GSK3B: variants seen among roughly 807,000 people sequenced by gnomAD.
GSK3B encodes glycogen synthase kinase 3 beta.
Under a neutral mutation model 56.4 loss-of-function variants are expected in GSK3B, and 15 were observed. The ratio of observed to expected loss-of-function variants is 0.27; its 90% CI spans 0.18 to 0.41. The LOEUF (loss-of-function observed/expected upper bound fraction) is 0.41. Among genes scored for constraint, GSK3B ranks in the 10% least tolerant of loss-of-function variants. GSK3B has a pLI of 1.00. For missense variants in GSK3B, 300 were observed against 513.4 expected, an observed-to-expected ratio of 0.58 and a Z score of 4.02; for synonymous variants, 181 against 188.9, an observed-to-expected ratio of 0.96 and a Z score of 0.34.
At chr3:119,852,409 T>C (rs1180038232) in intron 9 of GSK3B, among the ~76,000 whole-genome samples, 1 of 151,964 alleles carries the variant, frequency 6.6e-6, no homozygotes, top group Non-Finnish European at 1.5e-5. Context: ...AGTGCAGTGG[T>C]GTGATCTCAG....
chr3:119,849,140 T>A (rs2055894571), intron 9 of GSK3B, among the ~76,000 whole-genome samples: 1 of 152,230 alleles, frequency 6.6e-6, no homozygotes, highest in Non-Finnish European at 1.5e-5. Context: ...TGGTTTTTAT[T>A]CTAAAGAAAT....
Position 119,955,925 on chromosome 3 carries a change from T to G in GSK3B, c.283-8574A>C, listed in dbSNP as rs183542834. Among the ~76,000 whole-genome samples the G allele has an allele frequency of 9.7e-4, 148 of 152,206 alleles. 1 individual carries two copies. Among genetic ancestry groups the G allele is most frequent in the African/African-American group, 3.5e-3 (144 of 41,528 alleles). On this transcript the variant is annotated intron_variant, in intron 2 of 10. Coordinates refer to ENST00000264235, the MANE Select transcript of GSK3B (RefSeq NM_001146156.2). ...ACCTCGGCCTCCCAAAGTGCTGGGA[T>G]TACAGGTGTGAGCCACCTCACCCAG... is the stretch of plus-strand genomic sequence containing the variant.
chr3:119,875,445 CAGTA>C (rs1201600545), intron 8 of GSK3B, among the ~76,000 whole-genome samples: 2 of 151,318 alleles, frequency 1.3e-5, no homozygotes, highest in East Asian at 3.9e-4. Context: ...TTTTAAAATA[CAGTA>C]AGTCTCTCCT....
chr3:119,870,939 G>T (rs2056243260), intron 8 of GSK3B, among the ~76,000 whole-genome samples: 2 of 152,204 alleles, frequency 1.3e-5, no homozygotes, highest in Admixed American at 6.5e-5. Context: ...ACCAGAAAAG[G>T]TAGATAGAAT....
At chr3:119,881,406 C>T (rs2056377190) in intron 7 of GSK3B, among the ~76,000 whole-genome samples, 2 of 152,104 alleles carry the variant, frequency 1.3e-5, no homozygotes, top group Admixed American at 1.3e-4. Flanking sequence ...AGCTCTAATT[C>T]TTAATATGAG....
At chr3:119,905,630 G>A in intron 7 of GSK3B, 125 bp downstream of exon 7, 1 of 666,260 alleles carries the variant, frequency 1.5e-6, no homozygotes, top group South Asian at 2.0e-5. Context: ...AGCTGAACTT[G>A]CTACGTGACC....
In GSK3B at chr3:119,909,292, T is replaced by C. The variant is rs183651570; in HGVS notation, c.715+3412A>G. Among the ~76,000 whole-genome samples the C allele has an allele frequency of 6.0e-3, 919 of 152,322 alleles. 6 individuals are homozygous for C. The highest frequency in any genetic ancestry group is 0.011 in the Non-Finnish European group (738 of 68,024). ...TCCCAAAGTGCTGGGATTACAGGTG[T>C]GAGCCACTGCACCAGGCCAGGTCTG... On this transcript the variant is annotated intron_variant, in intron 6 of 10. Transcript: ENST00000264235.
chr3:119,846,783 T>C (rs2055862398), intron 9 of GSK3B, among the ~76,000 whole-genome samples: 2 of 152,220 alleles, frequency 1.3e-5, no homozygotes, highest in African/African-American at 2.4e-5. Flanking sequence ...ATCCCATTAC[T>C]GGGTATATAC....
chr3:120,086,086 A>C (rs774149424), intron 1 of GSK3B, among the ~76,000 whole-genome samples: 7 of 152,008 alleles, frequency 4.6e-5, no homozygotes, highest in Non-Finnish European at 1.0e-4. Flanking sequence ...AGCTATTCAT[A>C]ATTCATAAGA....
intron 10 of GSK3B, chr3:119,832,941 C>T (rs1253747953): frequency 4.1e-6 from 4 of 972,470 alleles, no homozygotes; most frequent in Admixed American, 1.2e-4. Context: ...ACAGGATCTA[C>T]AGCATTTTTT....
intron 1 of GSK3B, among the ~76,000 whole-genome samples, chr3:120,017,730 C>T (rs1266944458): frequency 6.6e-6 from 1 of 152,196 alleles, no homozygotes; most frequent in African/African-American, 2.4e-5. Context: ...TTATCAATTA[C>T]GATTTAACAA....
intron 7 of GSK3B, among the ~76,000 whole-genome samples, chr3:119,877,828 AGATG>A (rs2056331829): frequency 6.6e-6 from 1 of 152,258 alleles, no homozygotes; most frequent in Non-Finnish European, 1.5e-5. Context: ...TGGCTGTACA[AGATG>A]GATGACAGGA....
chr3:119,951,935 A>T (rs2057160610), intron 2 of GSK3B, among the ~76,000 whole-genome samples: 1 of 151,882 alleles, frequency 6.6e-6, no homozygotes, highest in African/African-American at 2.4e-5. Flanking sequence ...TGTCCTCAAG[A>T]AAATATTTGA....
At chr3:119,928,156 G>A (rs1424512974) in intron 3 of GSK3B, among the ~76,000 whole-genome samples, 5 of 152,292 alleles carry the variant, frequency 3.3e-5, no homozygotes, top group Middle Eastern at 3.4e-3. Context: ...CAAAGTCTCT[G>A]GTGATGAAGT....
intron 1 of GSK3B, among the ~76,000 whole-genome samples, chr3:120,032,876 T>A (rs2107523688): frequency 6.6e-6 from 1 of 152,352 alleles, no homozygotes; most frequent in East Asian, 1.9e-4. Flanking sequence ...AAGTTTTAAT[T>A]CACATAACAA....
chr3:119,851,663 T>G (rs1197019540), intron 9 of GSK3B, among the ~76,000 whole-genome samples: 1 of 152,182 alleles, frequency 6.6e-6, no homozygotes, highest in African/African-American at 2.4e-5. Flanking sequence ...CTACTAGCTT[T>G]GAAGGAGCTC....
At chr3:119,831,719 A>C (rs2055603202) in intron 10 of GSK3B, among the ~76,000 whole-genome samples, 1 of 152,168 alleles carries the variant, frequency 6.6e-6, no homozygotes. Flanking sequence ...TTAAGAGCAC[A>C]GTTACTTTAT....
chr3:120,007,595 ATGACAGGC>A (rs1451466957), intron 1 of GSK3B, among the ~76,000 whole-genome samples: 1 of 152,240 alleles, frequency 6.6e-6, no homozygotes, highest in Non-Finnish European at 1.5e-5. Context: ...CATCCCTGGG[ATGACAGGC>A]TGGTTCAACA....
chr3:119,854,333 G>C (rs1170014978), intron 9 of GSK3B, among the ~76,000 whole-genome samples: 1 of 152,138 alleles, frequency 6.6e-6, no homozygotes, highest in East Asian at 1.9e-4. Context: ...GTATTTTATT[G>C]AAGATTTTTG....
Sources: gnomAD v4.1 joint callset for allele counts (sites outside exome capture counted in the v4.1 genomes callset) on GRCh38, gnomAD v4.1.1 for gene constraint, MANE v1.5 for transcripts, NCBI Gene and HGNC (gene_info 2026-07-23, HGNC 2026-07-21) for gene names.